ADGRG1: variants seen among roughly 807,000 people sequenced by gnomAD.
ADGRG1 encodes the protein 7-transmembrane protein with no EGF-like N-terminal domains-1.
ADGRG1 carries 53 observed loss-of-function variants against 73.5 expected under a neutral mutation model. The observed-to-expected ratio is 0.72, with a 90% CI of 0.58 to 0.91. ADGRG1 has a LOEUF of 0.91. Among genes scored for constraint, ADGRG1 ranks in the 40% least tolerant of loss-of-function variants. The pLI, the probability that ADGRG1 is intolerant of heterozygous loss-of-function variation, is 0.00. For missense variants in ADGRG1, 795 were observed against 871.8 expected, an observed-to-expected ratio of 0.91 and a Z score of 1.11; for synonymous variants, 394 against 374.4, an observed-to-expected ratio of 1.05 and a Z score of -0.60.
Position 57,664,824 on chromosome 16 carries a change from T to C in ADGRG1, c.*1242T>C, listed in dbSNP as rs2047969654. On this transcript the variant is annotated 3_prime_UTR_variant, in exon 14 of 14. Coordinates refer to ENST00000562631, the MANE Select transcript of ADGRG1 (RefSeq NM_201525.4). ...GAGCTACAGGGACAGGGAGCCATCA[T>C]TCCTGCCTGGGAATCCTGGAAGACT... is the stretch of plus-strand genomic sequence containing the variant. 1 of 153,882 alleles carries C rather than the reference T, an allele frequency of 6.5e-6. No individual in the cohort carries two copies. Among genetic ancestry groups the C allele is most frequent in the Non-Finnish European group, 1.5e-5 (1 of 68,052 alleles). 9.5% of individuals were successfully genotyped at this position (153,882 alleles called of 1,614,324 possible).
chr16:57,641,711 G>T, intron 1 of ADGRG1: 1 of 216,428 alleles, frequency 4.6e-6, no homozygotes. Context: ...GATTACAGGT[G>T]TGTGCCACTA....
intron 5 of ADGRG1, 60 bp from the exon 6 acceptor site, chr16:57,655,339 G>T: frequency 6.3e-7 from 1 of 1,596,130 alleles, no homozygotes; most frequent in South Asian, 1.1e-5. Context: ...GTGTGTGCTA[G>T]GGTGGGGGGC....
chr16:57,655,538 G>A lies in ADGRG1; in HGVS notation c.900+8G>A, dbSNP rs749589373. 5 of 1,613,622 alleles carry A rather than the reference G, an allele frequency of 3.1e-6. No individual in the cohort carries two copies. In the African/African-American group the frequency reaches 5.3e-5, roughly 17 times the overall value. On this transcript the variant is annotated splice_region_variant and intron_variant, in intron 6 of 13. Coordinates refer to ENST00000562631, the MANE Select transcript of ADGRG1 (RefSeq NM_201525.4). Reference sequence around the variant, plus strand: ...AGCCAAGCCCTGTTCCAGGTATGGGGTCCTCACCCTCATGCCTCCCAGGAG... The same window carrying A: ...AGCCAAGCCCTGTTCCAGGTATGGGATCCTCACCCTCATGCCTCCCAGGAG...
In ADGRG1 at chr16:57,650,425, G is replaced by A. The variant is rs570781046; in HGVS notation, c.64+74G>A. On this transcript the variant is annotated intron_variant, in intron 2 of 13. Coordinates refer to ENST00000562631, the MANE Select transcript of ADGRG1 (RefSeq NM_201525.4). The stretch of plus-strand genomic sequence containing the variant: ...GCCCCTGTGCCTAGGGTGGCTGCCA[G>A]CACACATGCTAACTCCTTTAGGCAG... 2,187 of 1,610,604 alleles carry A rather than the reference G, an allele frequency of 1.4e-3. 2 individuals carry two copies. The highest frequency in any genetic ancestry group is 1.6e-3 in the Non-Finnish European group (1,937 of 1,177,926).
Position 57,656,439 on chromosome 16 carries a change from G to A in ADGRG1, c.1064-75G>A, listed in dbSNP as rs1481372838. The A allele has an allele frequency of 1.0e-5, 16 of 1,597,270 alleles. No homozygotes were observed. The East Asian group carries it at 1.1e-4, about 11-fold the overall frequency. Reference sequence around the variant, plus strand: ...GGCCGGGTGGAAGAATGACACAGTCGTGCTTTTGGGGGTGGACACAGTGGG... The same window carrying A: ...GGCCGGGTGGAAGAATGACACAGTCATGCTTTTGGGGGTGGACACAGTGGG... On this transcript the variant is annotated intron_variant, in intron 8 of 13. Transcript: ENST00000562631.
intron 1 of ADGRG1, chr16:57,631,011 G>A (rs976933804): frequency 1.0e-5 from 10 of 986,192 alleles, no homozygotes; most frequent in East Asian, 2.3e-4. Context: ...GGCAGGTGCT[G>A]TGTGGGGCTG....
upstream of ADGRG1, chr16:57,628,278 C>A: frequency 1.4e-6 from 1 of 725,774 alleles, no homozygotes; most frequent in Non-Finnish European, 1.7e-6. Flanking sequence ...GGCCCTGTTG[C>A]CGTGGCAACC....
intron 1 of ADGRG1, among the ~76,000 whole-genome samples, chr16:57,644,601 CA>C (rs1298763339): frequency 6.7e-6 from 1 of 148,670 alleles, no homozygotes; most frequent in African/African-American, 2.5e-5. Flanking sequence ...CACACTCATG[CA>C]AGGGCACACA....
chr16:57,641,564 C>CATTT (rs2040832092), intron 1 of ADGRG1: 1 of 959,526 alleles, frequency 1.0e-6, no homozygotes, highest in Non-Finnish European at 1.2e-6. Context: ...TTCTAAAAGT[C>CATTT]CTTTTTTTTT....
At chr16:57,624,783 C>T, upstream of ADGRG1, 1 of 880,112 alleles carries the variant, frequency 1.1e-6, no homozygotes, top group Non-Finnish European at 1.4e-6. Context: ...TCTCCTCCTA[C>T]CTCCCCGGCA....
In ADGRG1 at chr16:57,659,270, A is replaced by G. The variant is rs78417035; in HGVS notation, c.1287-143A>G. 4,717 of 1,522,996 alleles carry G rather than the reference A, an allele frequency of 3.1e-3. 94 individuals carry two copies. The highest frequency in any genetic ancestry group is 0.03 in the South Asian group (2,408 of 81,028). 94.3% of individuals were successfully genotyped at this position (1,522,996 alleles called of 1,614,324 possible). On this transcript the variant is annotated intron_variant, in intron 10 of 13. Transcript: ENST00000562631. ...TGTGGGGAACAGTTTGGCTGCAGCC[A>G]CAGGAATAGGATAGGGGCCATGTAT... is the stretch of plus-strand genomic sequence containing the variant.
rs2043765935 is a variant in ADGRG1 at position 57,650,466 on chromosome 16, T to C, written c.64+115T>C. On this transcript the variant is annotated intron_variant, in intron 2 of 13. Coordinates refer to ENST00000562631, the MANE Select transcript of ADGRG1 (RefSeq NM_201525.4). Reference sequence around the variant, plus strand: ...CTTTAGGCAGTTACAGCTCGGCTAGTGGAGGGTACCTTGGAGAAAAGCAAA... The same window carrying C: ...CTTTAGGCAGTTACAGCTCGGCTAGCGGAGGGTACCTTGGAGAAAAGCAAA... 3.2e-6 allele frequency: 5 copies of C among 1,584,174 alleles called. No individual in the cohort carries two copies. In the Admixed American group the frequency reaches 6.9e-5, roughly 22 times the overall value.
chr16:57,656,778 G>A (rs1163244379), intron 9 of ADGRG1, among the ~76,000 whole-genome samples, 161 bp downstream of exon 9: 2 of 152,248 alleles, frequency 1.3e-5, no homozygotes, highest in African/African-American at 4.8e-5. Flanking sequence ...GGCTCAGAGA[G>A]GTTAAGCAAT....
chr16:57,628,823 C>G, intron 1 of ADGRG1, 21 bp downstream of exon 1: 1 of 984,608 alleles, frequency 1.0e-6, no homozygotes, highest in Non-Finnish European at 1.2e-6. Flanking sequence ...AAGGGCTGGA[C>G]AGCAGGTGGG....
intron 1 of ADGRG1, chr16:57,648,854 C>T (rs2043311516): frequency 3.8e-6 from 1 of 264,126 alleles, no homozygotes; most frequent in African/African-American, 2.3e-5. Flanking sequence ...CACAGGTTCC[C>T]TGCCAGGCAC....
chr16:57,649,369 G>A (rs2043460928), intron 1 of ADGRG1, among the ~76,000 whole-genome samples: 1 of 152,204 alleles, frequency 6.6e-6, no homozygotes, highest in Non-Finnish European at 1.5e-5. Context: ...GACCAAGGAG[G>A]AGGGAATGCA....
At position 57,655,446 on chromosome 16, in the gene ADGRG1, A is replaced by G. The variant is rs1486644869; in HGVS notation, c.816A>G (p.Thr272=). ...IMEYSVLLPR[T]LFQRTKGRSG... Reference sequence around the variant, plus strand: ...AGTACTCGGTGCTGCTGCCTCGAACACTCTTCCAGAGGACGAAAGGCCGGA... The same window carrying G: ...AGTACTCGGTGCTGCTGCCTCGAACGCTCTTCCAGAGGACGAAAGGCCGGA... Residue 272 remains threonine, a synonymous_variant, in exon 6 of 14, where the codon ACA becomes ACG. Transcript: ENST00000562631. 2.5e-6 allele frequency: 4 copies of G among 1,613,590 alleles called. No individual in the cohort carries two copies. Among genetic ancestry groups the G allele is most frequent in the East Asian group, 2.2e-5 (1 of 44,856 alleles).
chr16:57,630,637 C>A (rs758934367), intron 1 of ADGRG1: 56 of 517,390 alleles, frequency 1.1e-4, no homozygotes, highest in Non-Finnish European at 1.3e-4. Flanking sequence ...TGGTGTGACA[C>A]TTCCTTTTGT....
Position 57,664,161 on chromosome 16 carries a change from GC to G in ADGRG1, c.*584del. The G allele has an allele frequency of 6.4e-6, 1 of 155,512 alleles. No individual in the cohort carries two copies. 9.6% of individuals were successfully genotyped at this position (155,512 alleles called of 1,614,324 possible). A position where few individuals can be genotyped will look rare whatever the true frequency, so the allele number is the denominator to read the frequency against. Reference sequence around the variant, plus strand: ...GCAGCTCGCCTACCTCTGAGCCCAGGCCCCCTCCCTCCCTCAGCCCCCCAGT... The same window carrying G: ...GCAGCTCGCCTACCTCTGAGCCCAGGCCCCTCCCTCCCTCAGCCCCCCAGT... On this transcript the variant is annotated 3_prime_UTR_variant, in exon 14 of 14. Coordinates refer to ENST00000562631, the MANE Select transcript of ADGRG1 (RefSeq NM_201525.4).
Sources: allele counts gnomAD v4.1 joint callset (sites outside exome capture counted in the v4.1 genomes callset), GRCh38; gene constraint gnomAD v4.1.1; transcripts MANE v1.5; gene names NCBI Gene and HGNC (gene_info 2026-07-23, HGNC 2026-07-21).